Variants in ANKS1B observed in about 807,000 individuals in gnomAD.
ANKS1B encodes the protein ankyrin repeat and sterile alpha motif domain-containing protein 1B.
In ANKS1B, 36 loss-of-function variants were observed where a neutral mutation model predicts 148.3. The observed-to-expected ratio is 0.24, with a 90% confidence interval of 0.19 to 0.32. The LOEUF (loss-of-function observed/expected upper bound fraction) is 0.32, where lower values mean the gene tolerates loss of function less well. Ranked by LOEUF, ANKS1B falls within the 10% of genes least tolerant of loss-of-function variation. The pLI, the probability that ANKS1B is intolerant of heterozygous loss-of-function variation, is 1.00. For synonymous variants in ANKS1B, 542 were observed against 560.8 expected (o/e 0.97, Z 0.47); for missense variants, 1,157 against 1,542.6 (o/e 0.75, Z 4.19).
intron 23 of ANKS1B, chr12:98,781,430 T>C: frequency 3.2e-6 from 2 of 620,146 alleles, no homozygotes. Flanking sequence ...AAGTTATCCG[T>C]CTTGCCCTTG....
chr12:99,631,371 C>T (rs1437384809), intron 9 of ANKS1B, among the ~76,000 whole-genome samples: 3 of 151,644 alleles, frequency 2.0e-5, no homozygotes, highest in Admixed American at 6.6e-5. Flanking sequence ...GTGGAAGCAG[C>T]TTTGGAACTA....
At chr12:99,001,548 G>A (rs1301495513) in intron 17 of ANKS1B, among the ~76,000 whole-genome samples, 2 of 150,880 alleles carry the variant, frequency 1.3e-5, no homozygotes, top group Admixed American at 1.3e-4. Context: ...GACAAAAATT[G>A]TATATATTTG....
At chr12:99,481,694 C>G (rs538132409) in intron 10 of ANKS1B, among the ~76,000 whole-genome samples, 10 of 152,062 alleles carry the variant, frequency 6.6e-5, no homozygotes, top group African/African-American at 2.4e-4. Context: ...ACATCCACAC[C>G]AACATTTGTT....
At chr12:99,082,330 T>C (rs1258284767) in intron 16 of ANKS1B, among the ~76,000 whole-genome samples, 2 of 152,142 alleles carry the variant, frequency 1.3e-5, no homozygotes, top group African/African-American at 2.4e-5. Flanking sequence ...TTTTAGCTCA[T>C]GAAGGCCCCT....
At chr12:99,746,396 A>G (rs1301396755) in intron 8 of ANKS1B, among the ~76,000 whole-genome samples, 1 of 152,142 alleles carries the variant, frequency 6.6e-6, no homozygotes, top group Non-Finnish European at 1.5e-5. Flanking sequence ...CCATTTACCA[A>G]TGTCATCAAT....
At chr12:98,880,906 C>T (rs2099706077) in intron 17 of ANKS1B, among the ~76,000 whole-genome samples, 1 of 151,902 alleles carries the variant, frequency 6.6e-6, no homozygotes, top group Non-Finnish European at 1.5e-5. Context: ...AGAGAAAGAC[C>T]CTAATGAAAT....
intron 15 of ANKS1B, among the ~76,000 whole-genome samples, chr12:99,121,321 ATGTGTGTGTGTGTGTGTG>A (rs57560069): frequency 1.4e-5 from 2 of 142,754 alleles, no homozygotes; most frequent in Admixed American, 7.0e-5. Flanking sequence ...GTATGTAGGT[ATGTGTGTGTGTGTGTGTG>A]TGTGTGTGTG....
At chr12:98,877,797 A>C (rs1262855256) in intron 17 of ANKS1B, among the ~76,000 whole-genome samples, 1 of 152,222 alleles carries the variant, frequency 6.6e-6, no homozygotes, top group Non-Finnish European at 1.5e-5. Context: ...TAATTCTTCT[A>C]ATCTTAAATT....
At chr12:99,295,111 T>G (rs2080686120) in intron 12 of ANKS1B, among the ~76,000 whole-genome samples, 2 of 152,140 alleles carry the variant, frequency 1.3e-5, no homozygotes, top group Admixed American at 1.3e-4. Context: ...GGCTGAGTCA[T>G]GTGGTAGGTA....
chr12:98,894,476 T>A (rs2099759387), intron 17 of ANKS1B, among the ~76,000 whole-genome samples: 1 of 151,500 alleles, frequency 6.6e-6, no homozygotes, highest in South Asian at 2.1e-4. Flanking sequence ...TAGCTGAGGC[T>A]GCAACACCTG....
chr12:98,925,664 G>C (rs2099807124), intron 17 of ANKS1B, among the ~76,000 whole-genome samples: 1 of 152,144 alleles, frequency 6.6e-6, no homozygotes, highest in African/African-American at 2.4e-5. Flanking sequence ...CAGTATCCTT[G>C]AAAATCAACA....
At chr12:99,263,084 G>A (rs2076090153) in intron 12 of ANKS1B, among the ~76,000 whole-genome samples, 1 of 151,782 alleles carries the variant, frequency 6.6e-6, no homozygotes, top group South Asian at 2.1e-4. Context: ...TAATACTCTG[G>A]GGTATTATGG....
intron 19 of ANKS1B, among the ~76,000 whole-genome samples, chr12:98,824,663 G>A (rs1026713242): frequency 1.3e-5 from 2 of 152,132 alleles, no homozygotes; most frequent in African/African-American, 2.4e-5. Flanking sequence ...AATTCCAACC[G>A]AAGAAGCCAC....
chr12:99,637,348 G>A (rs1224848599), intron 9 of ANKS1B, among the ~76,000 whole-genome samples: 1 of 152,072 alleles, frequency 6.6e-6, no homozygotes, highest in African/African-American at 2.4e-5. Context: ...ATATGGTTTG[G>A]CTGTGTCCCC....
chr12:99,145,692 AGTATCTT>A (rs2072814534), intron 15 of ANKS1B, among the ~76,000 whole-genome samples: 1 of 152,066 alleles, frequency 6.6e-6, no homozygotes, highest in Admixed American at 6.6e-5. Context: ...GGGCAGGGCT[AGTATCTT>A]GTTTAGTGCT....
intron 12 of ANKS1B, among the ~76,000 whole-genome samples, chr12:99,304,465 T>TC (rs1234594290): frequency 6.6e-6 from 1 of 152,192 alleles, no homozygotes; most frequent in East Asian, 1.9e-4. Flanking sequence ...GGCTTTCCTT[T>TC]CCCCCTTCTA....
intron 8 of ANKS1B, among the ~76,000 whole-genome samples, chr12:99,760,437 G>C (rs1019732710): frequency 6.6e-6 from 1 of 151,724 alleles, no homozygotes; most frequent in Non-Finnish European, 1.5e-5. Flanking sequence ...TAAACAACTT[G>C]CTACTGAATG....
Position 99,214,046 on chromosome 12 carries a change from G to T in ANKS1B, c.2419+30296C>A, listed in dbSNP as rs12301221. 5.0e-3 allele frequency among the ~76,000 whole-genome samples: 757 copies of T among 152,068 alleles called. 9 individuals are homozygous for T. Among genetic ancestry groups the T allele is most frequent in the African/African-American group, 0.018 (740 of 41,490 alleles). ...CTCAGAAGATTCAGATTTGGACCCA[G>T]AAGAAGTTTTAGAAAAATTTGAACC... is the stretch of plus-strand genomic sequence containing the variant. On this transcript the variant is annotated intron_variant, in intron 14 of 26. Coordinates refer to ENST00000683438, the MANE Select transcript of ANKS1B (RefSeq NM_001352186.2).
chr12:99,735,348 A>T (rs1454694740), intron 8 of ANKS1B, among the ~76,000 whole-genome samples: 2 of 152,170 alleles, frequency 1.3e-5, no homozygotes, highest in Non-Finnish European at 2.9e-5. Context: ...TCAAAAAGAT[A>T]AAATTGGTAA....
Sources: gnomAD v4.1 joint callset for allele counts (sites outside exome capture counted in the v4.1 genomes callset) on GRCh38, gnomAD v4.1.1 for gene constraint, MANE v1.5 for transcripts, NCBI Gene and HGNC (gene_info 2026-07-23, HGNC 2026-07-21) for gene names.